MME: variants seen among roughly 807,000 people sequenced by gnomAD.
MME encodes membrane metalloendopeptidase.
In MME, 98 loss-of-function variants were observed where a neutral mutation model predicts 113.2. The observed-to-expected ratio is 0.87, with a 90% CI of 0.74 to 1.02. The LOEUF is 1.02. MME is among the 50% of genes least tolerant of loss of function. The probability of loss-of-function intolerance (pLI) is 0.00; values close to 1 mark genes in which losing one functional copy is unlikely to be tolerated. For synonymous variants in MME, 292 were observed against 300.6 expected (o/e 0.97, Z 0.30); for missense variants, 836 against 896.0 (o/e 0.93, Z 0.86).
rs200787619 is a variant in MME, at chr3:155,180,991, C to G, written c.*532C>G. On this transcript the variant is annotated 3_prime_UTR_variant, in exon 23 of 23. Coordinates refer to ENST00000360490, the MANE Select transcript of MME (RefSeq NM_007289.4). ...GCCTTGGAGCTTACATAGTTTTAAA[C>G]TCATTTTTGCCATACATCAGTTATT... The G allele has an allele frequency of 6.4e-6, 1 of 156,644 alleles. No individual in the cohort carries two copies. The highest frequency in any genetic ancestry group is 1.9e-4 in the South Asian group (1 of 5,256). 9.7% of individuals were successfully genotyped at this position (156,644 alleles called of 1,614,324 possible).
chr3:155,166,195 T>G (rs1005537959), intron 17 of MME, among the ~76,000 whole-genome samples: 1 of 151,986 alleles, frequency 6.6e-6, no homozygotes, highest in Admixed American at 6.6e-5. Context: ...ACTAGAAAAA[T>G]GTATGAAATT....
intron 8 of MME, among the ~76,000 whole-genome samples, chr3:155,120,171 A>G (rs1441962079): frequency 4.1e-4 from 17 of 41,268 alleles, no homozygotes; most frequent in Admixed American, 9.8e-4. Context: ...GCCAGTGATG[A>G]TGAGCATTTT....
intron 3 of MME, among the ~76,000 whole-genome samples, chr3:155,096,906 G>A (rs753721012): frequency 1.3e-5 from 2 of 152,162 alleles, no homozygotes; most frequent in African/African-American, 2.4e-5. Context: ...TTTCTGTAGA[G>A]ATGGAGTTTC....
chr3:155,151,156 G>A (rs1721902217), intron 16 of MME, among the ~76,000 whole-genome samples: 1 of 152,056 alleles, frequency 6.6e-6, no homozygotes, highest in African/African-American at 2.4e-5. Flanking sequence ...TGCTGTGTAT[G>A]TTTAGACAGA....
At chr3:155,079,901 G>T (rs780446799), upstream of MME, 1 of 152,294 alleles carries the variant, frequency 6.6e-6, no homozygotes, top group Non-Finnish European at 1.5e-5. Context: ...ACTGAGAGGC[G>T]CTTGGCTGGG....
Position 155,144,271 on chromosome 3 carries a change from A to G in MME, c.1318-88A>G, listed in dbSNP as rs939039245. The G allele has an allele frequency of 5.6e-6, 5 of 888,348 alleles. No individual in the cohort carries two copies. The East Asian group carries it at 9.8e-5, about 17-fold the overall frequency. The allele number at this position is 888,348 out of a possible 1,614,324, so 55.0% of individuals were successfully genotyped here. On this transcript the variant is annotated intron_variant, in intron 13 of 22. Coordinates refer to ENST00000360490, the MANE Select transcript of MME (RefSeq NM_007289.4). ...TACGTTTATTAACATATTAAGTCATACAAAGATAGCATGTAGCTCTATTTT... is the reference window on the plus strand; with the variant it reads ...TACGTTTATTAACATATTAAGTCATGCAAAGATAGCATGTAGCTCTATTTT...
intron 8 of MME, among the ~76,000 whole-genome samples, chr3:155,126,782 CT>C (rs1719697352): frequency 6.6e-6 from 1 of 151,882 alleles, no homozygotes; most frequent in African/African-American, 2.4e-5. Flanking sequence ...GGTGGATCAC[CT>C]GAGGTCGGGA....
rs1362017069 is a variant in MME, at chr3:155,168,514, A to G, written c.1803A>G (p.Gly601=). The G allele has an allele frequency of 1.9e-6, 3 of 1,613,006 alleles. No homozygotes were observed. The highest frequency in any genetic ancestry group is 2.5e-6 in the Non-Finnish European group (3 of 1,179,272). ...DDNGRNFNKD[G]DLVDWWTQQS... ...TAGGCAGAAACTTTAACAAAGATGGAGACCTCGTTGACTGGTGGACTCAAC... is the reference window on the plus strand; with the variant it reads ...TAGGCAGAAACTTTAACAAAGATGGGGACCTCGTTGACTGGTGGACTCAAC... Residue 601 remains glycine, a synonymous_variant, in exon 19 of 23, where the codon GGA becomes GGG. Transcript: ENST00000360490.
upstream of MME, among the ~76,000 whole-genome samples, chr3:155,077,236 G>A (rs1309656926): frequency 9.9e-5 from 15 of 152,076 alleles, no homozygotes; most frequent in South Asian, 2.9e-3. Context: ...CATTTTTAAA[G>A]GACTTAAAAA....
chr3:155,176,564 C>T (rs1195699741), intron 22 of MME, among the ~76,000 whole-genome samples: 2 of 152,130 alleles, frequency 1.3e-5, no homozygotes, highest in Non-Finnish European at 2.9e-5. Context: ...GTCACTCACA[C>T]TTGTTAATTC....
chr3:155,126,635 T>A (rs1039728707), intron 8 of MME, among the ~76,000 whole-genome samples: 3 of 152,144 alleles, frequency 2.0e-5, no homozygotes, highest in African/African-American at 7.2e-5. Context: ...TCAGTAGAAT[T>A]TGAGCCCCTA....
intron 1 of MME, among the ~76,000 whole-genome samples, chr3:155,031,829 T>C (rs1029181283): frequency 2.6e-5 from 4 of 152,200 alleles, no homozygotes; most frequent in Non-Finnish European, 5.9e-5. Context: ...GGCTACTTTT[T>C]TGTATTTTTA....
rs1160042825 is a variant in MME, at chr3:155,103,742, A to G, written c.197-11252A>G. Among the ~76,000 whole-genome samples, 4 of 151,772 alleles carry G rather than the reference A, an allele frequency of 2.6e-5. No individual in the cohort carries two copies. In the East Asian group the frequency reaches 7.8e-4, roughly 29 times the overall value. On this transcript the variant is annotated intron_variant, in intron 3 of 22. Coordinates refer to ENST00000360490, the MANE Select transcript of MME (RefSeq NM_007289.4). ...TAATTTATTTCTTCTCTCTTTTAAC[A>G]CTCTGTGTTCTTCTTCTCTTGAACA...
At chr3:155,128,224 G>A (rs1170361447) in intron 8 of MME, among the ~76,000 whole-genome samples, 2 of 152,042 alleles carry the variant, frequency 1.3e-5, no homozygotes, top group African/African-American at 2.4e-5. Flanking sequence ...CCATTCTTTT[G>A]GGCATGGGGG....
In MME at chr3:155,180,517, A is replaced by G. The variant is rs1392465018; in HGVS notation, c.*58A>G. ...ACTTGCCAACACCACAGAAATGGGG[A>G]ATTCTCTAATCGAAAGAAAATGGGC... On this transcript the variant is annotated 3_prime_UTR_variant, in exon 23 of 23. Coordinates refer to ENST00000360490, the MANE Select transcript of MME (RefSeq NM_007289.4). 2.0e-5 allele frequency: 27 copies of G among 1,355,256 alleles called. No individual in the cohort carries two copies. The Admixed American group carries it at 4.4e-4, about 22-fold the overall frequency. The allele number at this position is 1,355,256 out of a possible 1,614,324, so 84.0% of individuals were successfully genotyped here.
intron 8 of MME, among the ~76,000 whole-genome samples, chr3:155,133,054 A>ATAT (rs1376707409): frequency 3.5e-5 from 3 of 86,164 alleles, no homozygotes; most frequent in African/African-American, 1.3e-4. Flanking sequence ...AAAAAAAAAA[A>ATAT]AAAAAAAAAT....
intron 13 of MME, 144 bp downstream of exon 13, chr3:155,143,715 T>C: frequency 1.0e-6 from 1 of 1,002,596 alleles, no homozygotes; most frequent in Non-Finnish European, 1.5e-6. Context: ...ATGCCATTGT[T>C]TCCCAATAAA....
At chr3:155,151,308 G>A (rs1721914287) in intron 16 of MME, among the ~76,000 whole-genome samples, 1 of 152,140 alleles carries the variant, frequency 6.6e-6, no homozygotes, top group African/African-American at 2.4e-5. Context: ...ACAGAGTTGA[G>A]ACTTTTGTAG....
At chr3:155,049,627 ATATCTATCTATCTATC>A (rs56832533) in intron 1 of MME, among the ~76,000 whole-genome samples, 3,318 of 147,180 alleles carry the variant, frequency 0.023, 73 homozygotes, top group African/African-American at 0.057. Flanking sequence ...TCATCTTAGT[ATATCTATCTATCTATC>A]TATCTATCTA....
Sources: gnomAD v4.1 joint callset for allele counts (sites outside exome capture counted in the v4.1 genomes callset) on GRCh38, gnomAD v4.1.1 for gene constraint, MANE v1.5 for transcripts, NCBI Gene and HGNC (gene_info 2026-07-23, HGNC 2026-07-21) for gene names.